The following TMEM120B variants were observed in gnomAD, a reference collection of about 807,000 sequenced individuals.
TMEM120B encodes the protein transmembrane protein 120B.
TMEM120B carries 31 observed loss-of-function variants against 55.5 expected under a neutral mutation model. The ratio of observed to expected loss-of-function variants is 0.56; its 90% confidence interval spans 0.42 to 0.75. TMEM120B has a LOEUF of 0.75. TMEM120B is among the 30% of genes least tolerant of loss of function. The pLI, the probability that TMEM120B is intolerant of heterozygous loss-of-function variation, is 0.00. For synonymous variants in TMEM120B, 203 were observed against 176.3 expected (o/e 1.15, Z -1.20); for missense variants, 399 against 425.5 (o/e 0.94, Z 0.55).
rs545599815 is a variant in TMEM120B at position 121,745,220 on chromosome 12, T to C, written c.188+1473T>C. Reference sequence around the variant, plus strand: ...TAGGGTCTTAGACCAAGGACCCCTGTCATTCTGAGATGTGTCTGCTGACTT... The same window carrying C: ...TAGGGTCTTAGACCAAGGACCCCTGCCATTCTGAGATGTGTCTGCTGACTT... On this transcript the variant is annotated intron_variant, in intron 2 of 11. Transcript: ENST00000449592. Among the ~76,000 whole-genome samples, 3 of 152,322 alleles carry C rather than the reference T, an allele frequency of 2.0e-5. No homozygotes were observed. In the South Asian group the frequency reaches 6.2e-4, roughly 32 times the overall value.
chr12:121,715,162 C>G (rs1463302807), intron 1 of TMEM120B, among the ~76,000 whole-genome samples: 1 of 151,926 alleles, frequency 6.6e-6, no homozygotes, highest in Admixed American at 6.6e-5. Flanking sequence ...ACAGTGAGAC[C>G]CTGTCTCTAC....
rs190102759 is a variant in TMEM120B at position 121,777,902 on chromosome 12, G to A, written c.*2180G>A. ...CTCCTTGGTTGATTCCCCAGGGTAC[G>A]GCAGGGCCTTGGGAACCTGGGTGGG... On this transcript the variant is annotated 3_prime_UTR_variant, in exon 12 of 12. Coordinates refer to ENST00000449592, the MANE Select transcript of TMEM120B (RefSeq NM_001080825.2). 1 of 152,326 alleles carries A rather than the reference G, an allele frequency of 6.6e-6. No homozygotes were observed. Among genetic ancestry groups the A allele is most frequent in the Non-Finnish European group, 1.5e-5 (1 of 68,042 alleles). The allele number at this position is 152,326 out of a possible 1,614,324, so 9.4% of individuals were successfully genotyped here.
At chr12:121,768,962 C>G (rs1173000467) in intron 6 of TMEM120B, among the ~76,000 whole-genome samples, 2 of 151,862 alleles carry the variant, frequency 1.3e-5, no homozygotes, top group Non-Finnish European at 2.9e-5. Flanking sequence ...CCTGGCCAAC[C>G]TGTTGAAATC....
rs1261899472 is a variant in TMEM120B at position 121,781,364 on chromosome 12, G to A, written c.*5642G>A. On this transcript the variant is annotated 3_prime_UTR_variant, in exon 12 of 12. Transcript: ENST00000449592. ...CACAGGCCTGTGGTCGCAGCTACTC[G>A]GGAGGCTGAGGCCGGAGGATCGCTT... 15 of 603,900 alleles carry A rather than the reference G, an allele frequency of 2.5e-5. No homozygotes were observed. The highest frequency in any genetic ancestry group is 5.9e-5 in the South Asian group (3 of 50,932). The allele number at this position is 603,900 out of a possible 1,614,324, so 37.4% of individuals were successfully genotyped here. A position where few individuals can be genotyped will look rare whatever the true frequency, so the allele number is the denominator to read the frequency against.
intron 1 of TMEM120B, among the ~76,000 whole-genome samples, chr12:121,724,894 G>A (rs1894864408): frequency 6.6e-6 from 1 of 152,166 alleles, no homozygotes; most frequent in African/African-American, 2.4e-5. Flanking sequence ...ACAGGTGTGA[G>A]CCACCGCGCC....
chr12:121,760,339 C>T (rs931677441), intron 5 of TMEM120B, among the ~76,000 whole-genome samples: 8 of 151,518 alleles, frequency 5.3e-5, no homozygotes, highest in African/African-American at 1.7e-4. Flanking sequence ...GAGGGCCGAG[C>T]GGGCATCTTG....
At chr12:121,767,920 T>C (rs1409016280) in intron 6 of TMEM120B, among the ~76,000 whole-genome samples, 1 of 152,208 alleles carries the variant, frequency 6.6e-6, no homozygotes, top group African/African-American at 2.4e-5. Context: ...AGGGCATTTC[T>C]CAGGGGAGCT....
intron 6 of TMEM120B, among the ~76,000 whole-genome samples, chr12:121,770,613 G>A (rs1467889314): frequency 6.6e-6 from 1 of 152,054 alleles, no homozygotes; most frequent in African/African-American, 2.4e-5. Flanking sequence ...ACCAGGTGGG[G>A]AGGACAGGAG....
At chr12:121,773,337 C>T (rs1298196144) in intron 8 of TMEM120B, 84 bp from the exon 9 acceptor site, 2 of 1,289,820 alleles carry the variant, frequency 1.6e-6, no homozygotes, top group Non-Finnish European at 2.2e-6. Flanking sequence ...AAAGACCCAT[C>T]AGCCTGTGCT....
At position 121,772,330 on chromosome 12, in the gene TMEM120B, A is replaced by G. The variant is rs1874092092; in HGVS notation, c.679+781A>G. ...TTTTTAATAAAGATGAGATTTCACC[A>G]TGTTGGTCAGGGTGGTCTGGAACTC... On this transcript the variant is annotated intron_variant, in intron 8 of 11. Coordinates refer to ENST00000449592, the MANE Select transcript of TMEM120B (RefSeq NM_001080825.2). Among the ~76,000 whole-genome samples the G allele has an allele frequency of 2.0e-5, 3 of 151,422 alleles. No individual in the cohort carries two copies. The South Asian group carries it at 6.3e-4, about 32-fold the overall frequency.
intron 1 of TMEM120B, among the ~76,000 whole-genome samples, chr12:121,727,784 G>T (rs547041796): frequency 6.8e-6 from 1 of 147,414 alleles, no homozygotes; most frequent in South Asian, 2.2e-4. Context: ...TGAGGCAGGA[G>T]AATGGCGTGA....
chr12:121,742,156 C>T (rs930342315), intron 1 of TMEM120B, among the ~76,000 whole-genome samples: 2 of 152,126 alleles, frequency 1.3e-5, no homozygotes, highest in Admixed American at 1.3e-4. Flanking sequence ...GCATACGCCA[C>T]CATGCCCGGC....
intron 3 of TMEM120B, 99 bp from the exon 4 acceptor site, chr12:121,750,281 C>A: frequency 8.8e-7 from 1 of 1,137,774 alleles, no homozygotes. Flanking sequence ...CTTCTAACAT[C>A]AGTGCTTGGG....
At chr12:121,760,917 G>A (rs547960528) in intron 5 of TMEM120B, among the ~76,000 whole-genome samples, 26 of 152,216 alleles carry the variant, frequency 1.7e-4, no homozygotes, top group African/African-American at 6.0e-4. Context: ...ATGCTTTAAG[G>A]GGGCAGAGGG....
chr12:121,748,354 G>C lies in TMEM120B; in HGVS notation c.217G>C (p.Ala73Pro). The change falls in exon 3 of 12, where the codon GCG (alanine) becomes CCG (proline). Residue 73 changes from alanine to proline, a missense_variant. Physicochemically the swap from Ala to Pro is conservative, Grantham distance 27. Around this residue, in one of 3 missense-constraint regions of TMEM120B, gnomAD observed 133 missense variants for 104.1 expected, o/e 1.28. Coordinates refer to ENST00000449592, the MANE Select transcript of TMEM120B (RefSeq NM_001080825.2). ...CAAACGCCATGCCAGTCGGGAGGAG[G>C]CGGAGCTCGTTCAGCAGATGGCAGC... ...RCKRHASREE[A>P]ELVQQMAANI... 1 of 1,611,120 alleles carries C rather than the reference G, an allele frequency of 6.2e-7. No individual in the cohort carries two copies. Among genetic ancestry groups the C allele is most frequent in the South Asian group, 1.1e-5 (1 of 91,044 alleles).
chr12:121,772,034 TC>T (rs1281743171), intron 8 of TMEM120B, among the ~76,000 whole-genome samples: 1 of 114,266 alleles, frequency 8.8e-6, no homozygotes, highest in East Asian at 3.3e-4. Context: ...TCCCTTTCTT[TC>T]TTTCTCTTTC....
At position 121,731,650 on chromosome 12, in the gene TMEM120B, G is replaced by A. The variant is rs540055993; in HGVS notation, c.70-11979G>A. Among the ~76,000 whole-genome samples, 103 of 152,288 alleles carry A rather than the reference G, an allele frequency of 6.8e-4. 2 individuals carry two copies. The highest frequency in any genetic ancestry group is 2.2e-3 in the African/African-American group (91 of 41,558). The stretch of plus-strand genomic sequence containing the variant: ...CAGGTTTCTGTAGGTGTACTCTAAC[G>A]TTTGCGTAATGACGGCATCGCCTAA... On this transcript the variant is annotated intron_variant, in intron 1 of 11. Coordinates refer to ENST00000449592, the MANE Select transcript of TMEM120B (RefSeq NM_001080825.2).
intron 3 of TMEM120B, 133 bp from the exon 4 acceptor site, chr12:121,750,247 G>T: frequency 2.5e-6 from 2 of 800,978 alleles, no homozygotes; most frequent in Non-Finnish European, 4.3e-6. Context: ...GGGCCCATTT[G>T]CCCGCTGAGC....
At chr12:121,755,720 C>T (rs2137241650) in intron 5 of TMEM120B, among the ~76,000 whole-genome samples, 1 of 152,196 alleles carries the variant, frequency 6.6e-6, no homozygotes, top group Admixed American at 6.5e-5. Flanking sequence ...AAAGCATTAT[C>T]CTGTGGGTAG....
Sources: gnomAD v4.1 joint callset for allele counts (sites outside exome capture counted in the v4.1 genomes callset) on GRCh38, gnomAD v4.1.1 for gene constraint, gnomAD v4.1.1 regional missense constraint, MANE v1.5 for transcripts, NCBI Gene and HGNC (gene_info 2026-07-23, HGNC 2026-07-21) for gene names.